OPCML: variants seen among roughly 807,000 people sequenced by gnomAD.
The protein encoded by OPCML is opioid-binding protein/cell adhesion molecule.
In OPCML, 13 loss-of-function variants were observed where a neutral mutation model predicts 37.8. The observed-to-expected ratio is 0.34, with a 90% CI of 0.22 to 0.55. The LOEUF (loss-of-function observed/expected upper bound fraction) is 0.55. Ranked by LOEUF, OPCML falls within the 20% of genes least tolerant of loss-of-function variation. The pLI, the probability that OPCML is intolerant of heterozygous loss-of-function variation, is 0.91. For synonymous variants in OPCML, 176 were observed against 168.8 expected (o/e 1.04, Z -0.33); for missense variants, 341 against 435.6 (o/e 0.78, Z 1.93).
At chr11:132,571,649 C>T (rs1449356350) in intron 3 of OPCML, among the ~76,000 whole-genome samples, 1 of 152,150 alleles carries the variant, frequency 6.6e-6, no homozygotes, top group Non-Finnish European at 1.5e-5. Context: ...ACATACACCA[C>T]GTTGTCTTTA....
intron 1 of OPCML, among the ~76,000 whole-genome samples, chr11:133,227,158 G>A (rs905019788): frequency 7.9e-5 from 12 of 152,204 alleles, no homozygotes; most frequent in African/African-American, 2.9e-4. Context: ...GATACCAATG[G>A]CCCCGGAGGG....
Position 133,506,635 on chromosome 11 carries a change from C to T in OPCML, c.61+25629G>A, listed in dbSNP as rs190122881. ...GGGAGAACAGTGTGGGAACACTGGC[C>T]GGCAGAAGAAACAATGAGGTGGCTC... On this transcript the variant is annotated intron_variant, in intron 1 of 7. Coordinates refer to ENST00000524381, the MANE Select transcript of OPCML (RefSeq NM_001012393.5). Among the ~76,000 whole-genome samples the T allele has an allele frequency of 2.1e-3, 320 of 152,250 alleles. 1 individual carries two copies. Among genetic ancestry groups the T allele is most frequent in the African/African-American group, 6.8e-3 (284 of 41,536 alleles).
At chr11:132,765,192 C>T (rs1355837423) in intron 2 of OPCML, among the ~76,000 whole-genome samples, 2 of 152,154 alleles carry the variant, frequency 1.3e-5, no homozygotes, top group African/African-American at 2.4e-5. Context: ...TAGTAAAGTC[C>T]TTACTGGACT....
chr11:132,706,433 C>T (rs1229811750), intron 2 of OPCML, among the ~76,000 whole-genome samples: 2 of 152,250 alleles, frequency 1.3e-5, no homozygotes, highest in African/African-American at 4.8e-5. Context: ...TTCCCCCTAC[C>T]AGGCACAACT....
intron 1 of OPCML, among the ~76,000 whole-genome samples, chr11:132,977,380 A>G (rs770122982): frequency 6.6e-6 from 1 of 152,188 alleles, no homozygotes; most frequent in Non-Finnish European, 1.5e-5. Context: ...TGTGTCAATA[A>G]CAACTAAATA....
At chr11:132,714,485 G>A (rs1440844342) in intron 2 of OPCML, among the ~76,000 whole-genome samples, 1 of 152,208 alleles carries the variant, frequency 6.6e-6, no homozygotes, top group Non-Finnish European at 1.5e-5. Flanking sequence ...CAAGGACGGA[G>A]TGAGGAACCT....
At position 132,903,366 on chromosome 11, in the gene OPCML, TTC is replaced by T. The variant is rs768346336; in HGVS notation, c.146+39558_146+39559del. ...TATAACTACACTGAGGAGTTACTAT[TTC>T]TCTCTTATTTATCAAATTCCCTGAG... On this transcript the variant is annotated intron_variant, in intron 2 of 7. Coordinates refer to ENST00000524381, the MANE Select transcript of OPCML (RefSeq NM_001012393.5). 5.9e-5 allele frequency among the ~76,000 whole-genome samples: 9 copies of T among 152,342 alleles called. 1 individual carries two copies. The highest frequency in any genetic ancestry group is 5.8e-4 in the East Asian group (3 of 5,184).
chr11:132,582,112 G>C (rs2096463292), intron 3 of OPCML, among the ~76,000 whole-genome samples: 1 of 110,044 alleles, frequency 9.1e-6, no homozygotes, highest in African/African-American at 3.2e-5. Flanking sequence ...CTTTGTGTGT[G>C]TGTGTGTGTG....
chr11:133,219,768 T>C (rs1939739090), intron 1 of OPCML, among the ~76,000 whole-genome samples: 1 of 150,868 alleles, frequency 6.6e-6, no homozygotes, highest in African/African-American at 2.5e-5. Flanking sequence ...CATTTGGCAA[T>C]GCTTGGAGAC....
intron 3 of OPCML, among the ~76,000 whole-genome samples, chr11:132,578,011 T>C (rs1229272329): frequency 2.0e-5 from 3 of 152,110 alleles, no homozygotes; most frequent in African/African-American, 7.2e-5. Context: ...GATGCACATA[T>C]ACAAGATACA....
intron 4 of OPCML, among the ~76,000 whole-genome samples, chr11:132,461,370 CA>C (rs1565581810): frequency 6.6e-6 from 1 of 152,080 alleles, no homozygotes; most frequent in African/African-American, 2.4e-5. Flanking sequence ...TATGAAATTG[CA>C]AAAGGACTGG....
intron 2 of OPCML, among the ~76,000 whole-genome samples, chr11:132,658,223 C>T (rs1030549546): frequency 2.0e-5 from 3 of 152,224 alleles, no homozygotes; most frequent in Non-Finnish European, 2.9e-5. Flanking sequence ...ACCCATCACT[C>T]CATGCTGCAC....
At chr11:133,226,070 GA>G (rs1940023722) in intron 1 of OPCML, among the ~76,000 whole-genome samples, 1 of 152,242 alleles carries the variant, frequency 6.6e-6, no homozygotes, top group Non-Finnish European at 1.5e-5. Context: ...GCTGGGATTT[GA>G]AATTTCCTGT....
chr11:133,186,360 G>A (rs1170731309), intron 1 of OPCML, among the ~76,000 whole-genome samples: 1 of 152,140 alleles, frequency 6.6e-6, no homozygotes, highest in Non-Finnish European at 1.5e-5. Flanking sequence ...GATGCTTATT[G>A]ATTTATAAAT....
chr11:133,448,572 C>T (rs1345295463), intron 1 of OPCML, among the ~76,000 whole-genome samples: 1 of 152,216 alleles, frequency 6.6e-6, no homozygotes, highest in Non-Finnish European at 1.5e-5. Flanking sequence ...ATACTCCTGC[C>T]TCAGTCTCCT....
intron 2 of OPCML, among the ~76,000 whole-genome samples, chr11:132,696,099 A>AAAATAAAT (rs908255778): frequency 6.6e-6 from 1 of 152,188 alleles, no homozygotes; most frequent in Admixed American, 6.5e-5. Context: ...GTTTCTTTTA[A>AAAATAAAT]AAATAAATAA....
chr11:132,868,893 C>T (rs566394392), intron 2 of OPCML, among the ~76,000 whole-genome samples: 18 of 152,240 alleles, frequency 1.2e-4, no homozygotes, highest in Admixed American at 7.2e-4. Flanking sequence ...TGTATGCATA[C>T]GTGAGTGCCT....
intron 3 of OPCML, among the ~76,000 whole-genome samples, chr11:132,558,218 C>T (rs1005299192): frequency 2.6e-5 from 4 of 151,850 alleles, no homozygotes; most frequent in Non-Finnish European, 5.9e-5. Flanking sequence ...TTTCCTTTCT[C>T]TTTTTCTTCT....
intron 1 of OPCML, among the ~76,000 whole-genome samples, chr11:133,446,913 C>T (rs1030197138): frequency 3.3e-5 from 5 of 152,182 alleles, no homozygotes; most frequent in African/African-American, 4.8e-5. Context: ...TAGATTACTA[C>T]ATTTTCTTTA....
Sources: allele counts gnomAD v4.1 joint callset (sites outside exome capture counted in the v4.1 genomes callset), GRCh38; gene constraint gnomAD v4.1.1; transcripts MANE v1.5; gene names NCBI Gene and HGNC (gene_info 2026-07-23, HGNC 2026-07-21).